The following PLEKHB1 variants were observed in gnomAD, a reference collection of about 807,000 sequenced individuals.
PLEKHB1 encodes the protein pleckstrin homology domain-containing family B member 1.
A neutral mutation model predicts 36.2 loss-of-function variants in PLEKHB1; 29 were observed. That is an observed-to-expected ratio of 0.80 (90% confidence interval 0.60 to 1.09). PLEKHB1 has a LOEUF of 1.09. Among genes scored for constraint, PLEKHB1 ranks in the 50% least tolerant of loss-of-function variants. The pLI is 0.00. For missense variants in PLEKHB1, 330 were observed against 348.2 expected (o/e 0.95, Z 0.42); for synonymous variants, 138 against 140.0 (o/e 0.99, Z 0.10).
At position 73,651,351 on chromosome 11, in the gene PLEKHB1, C is replaced by T. The variant is rs1393004143; in HGVS notation, c.248-437C>T. On this transcript the variant is annotated intron_variant, in intron 3 of 7. Coordinates refer to ENST00000354190, the MANE Select transcript of PLEKHB1 (RefSeq NM_021200.3). ...CCTGGGGGACAGAGCTAGACCCTGT[C>T]TCAAAAAAAAAAAAAAAAAGAAAAA... The T allele has an allele frequency of 3.2e-5, 13 of 401,206 alleles. No individual in the cohort carries two copies. The African/African-American group carries it at 3.3e-4, about 10-fold the overall frequency. 24.9% of individuals were successfully genotyped at this position (401,206 alleles called of 1,614,324 possible).
At chr11:73,651,914 G>A (rs761050060) in intron 4 of PLEKHB1, 24 bp downstream of exon 4, 6 of 1,604,636 alleles carry the variant, frequency 3.7e-6, no homozygotes, top group Non-Finnish European at 5.1e-6. Context: ...AGGAGAGGAT[G>A]GGGTGGAATC....
At chr11:73,660,599 C>T (rs1945085219) in intron 6 of PLEKHB1, 154 bp from the exon 7 acceptor site, 2 of 681,538 alleles carry the variant, frequency 2.9e-6, no homozygotes, top group African/African-American at 1.8e-5. Flanking sequence ...AGGGCAGGGC[C>T]TTTCTCCAAG....
chr11:73,660,904 GC>G (rs1359483798), intron 7 of PLEKHB1, 52 bp downstream of exon 7: 1 of 1,475,912 alleles, frequency 6.8e-7, no homozygotes, highest in Admixed American at 2.0e-5. Context: ...CCGATTCAGC[GC>G]CAGGCCCAGC....
chr11:73,658,590 C>G (rs1156811422), intron 6 of PLEKHB1, among the ~76,000 whole-genome samples: 2 of 151,848 alleles, frequency 1.3e-5, no homozygotes, highest in Non-Finnish European at 2.9e-5. Flanking sequence ...GGGCAACAAC[C>G]TGCTTTCTTT....
Position 73,653,021 on chromosome 11 carries a change from C to T in PLEKHB1, c.390+7C>T, listed in dbSNP as rs1304922649. 2 of 1,606,806 alleles carry T rather than the reference C, an allele frequency of 1.2e-6. No homozygotes were observed. The highest frequency in any genetic ancestry group is 1.7e-5 in the Admixed American group (1 of 59,732). On this transcript the variant is annotated splice_region_variant and intron_variant, in intron 5 of 7. Coordinates refer to ENST00000354190, the MANE Select transcript of PLEKHB1 (RefSeq NM_021200.3). ...GGAGGCAAACTCCACCCCGGTGAGT[C>T]TCCCGTTCTCTCCCCCTTTCCCCAC...
At chr11:73,652,763 G>A (rs754413590) in intron 4 of PLEKHB1, 31 of 507,440 alleles carry the variant, frequency 6.1e-5, no homozygotes, top group East Asian at 1.2e-4. Flanking sequence ...TAGAGGGGAC[G>A]AGAAGAATGA....
At chr11:73,647,527 C>CGG in intron 1 of PLEKHB1, 1 of 984,982 alleles carries the variant, frequency 1.0e-6, no homozygotes, top group Non-Finnish European at 1.2e-6. Context: ...CAGTACGCCT[C>CGG]GGGTCAGCAT....
At chr11:73,652,161 T>G in intron 4 of PLEKHB1, 2 of 481,774 alleles carry the variant, frequency 4.2e-6, no homozygotes, top group Non-Finnish European at 7.5e-6. Context: ...TCCTGGTCTT[T>G]AGCGGCCTCT....
rs940687759 is a variant in PLEKHB1, at chr11:73,652,969, T to C, written c.351-6T>C. The C allele has an allele frequency of 3.1e-6, 5 of 1,607,580 alleles. No homozygotes were observed. The highest frequency in any genetic ancestry group is 4.3e-6 in the Non-Finnish European group (5 of 1,175,738). ...TCCTCATGGTCTGGTGGGATTTGCTTTGCAGAGCATGGAAGACAGCACTGC... is the reference window on the plus strand; with the variant it reads ...TCCTCATGGTCTGGTGGGATTTGCTCTGCAGAGCATGGAAGACAGCACTGC... On this transcript the variant is annotated splice_region_variant and splice_polypyrimidine_tract_variant and intron_variant, in intron 4 of 7. Coordinates refer to ENST00000354190, the MANE Select transcript of PLEKHB1 (RefSeq NM_021200.3).
chr11:73,659,467 T>C (rs962455339), intron 6 of PLEKHB1, among the ~76,000 whole-genome samples: 6 of 152,228 alleles, frequency 3.9e-5, no homozygotes, highest in African/African-American at 1.4e-4. Flanking sequence ...AATGAGGGGT[T>C]TGGAGTTTCC....
At chr11:73,656,938 G>A (rs1466634076) in intron 6 of PLEKHB1, among the ~76,000 whole-genome samples, 1 of 152,140 alleles carries the variant, frequency 6.6e-6, no homozygotes, top group Admixed American at 6.5e-5. Flanking sequence ...AGGTTGCAAG[G>A]TCAGGAGTTC....
intron 1 of PLEKHB1, chr11:73,647,602 G>C (rs1944792177): frequency 2.0e-6 from 2 of 985,340 alleles, no homozygotes; most frequent in African/African-American, 1.7e-5. Context: ...GGGGCAGCTG[G>C]GCTCTCAGGC....
intron 5 of PLEKHB1, 58 bp downstream of exon 5, chr11:73,653,072 A>C: frequency 6.5e-7 from 1 of 1,539,046 alleles, no homozygotes; most frequent in Non-Finnish European, 8.9e-7. Context: ...TGGAATCATG[A>C]GTGACTCAGA....
chr11:73,650,647 G>T lies in PLEKHB1; in HGVS notation c.189G>T (p.Glu63Asp). 6.2e-7 allele frequency: 1 copy of T among 1,612,068 alleles called. No individual in the cohort carries two copies. Among genetic ancestry groups the T allele is most frequent in the Non-Finnish European group, 8.5e-7 (1 of 1,179,124 alleles). Reference sequence around the variant, plus strand: ...ACGATGAGACAGCGCAGGACGAGGAGGACCGTGTGCTCATCCACTTCAATG... The same window carrying T: ...ACGATGAGACAGCGCAGGACGAGGATGACCGTGTGCTCATCCACTTCAATG... ...YYHDETAQDE[E>D]DRVLIHFNVR... The change falls in exon 3 of 8, where the codon GAG becomes GAT. Residue 63 changes from glutamate (E) to aspartate (D), a missense_variant. Coordinates refer to ENST00000354190, the MANE Select transcript of PLEKHB1 (RefSeq NM_021200.3).
intron 2 of PLEKHB1, among the ~76,000 whole-genome samples, chr11:73,649,421 G>A (rs1032200842): frequency 2.0e-5 from 3 of 152,082 alleles, no homozygotes; most frequent in Non-Finnish European, 4.4e-5. Flanking sequence ...CCTTAGAACA[G>A]AACTGTCTAT....
chr11:73,647,498 A>G (rs1485083466), intron 1 of PLEKHB1: 19 of 940,694 alleles, frequency 2.0e-5, no homozygotes, highest in Non-Finnish European at 2.4e-5. Context: ...CCAGCTCTAC[A>G]GGGGTAGACT....
At chr11:73,648,833 G>T in intron 1 of PLEKHB1, 179 bp from the exon 2 acceptor site, 1 of 1,363,690 alleles carries the variant, frequency 7.3e-7, no homozygotes, top group African/African-American at 1.5e-5. Context: ...ACCCCACAGT[G>T]ACAGTGCTCC....
At chr11:73,647,461 T>G in intron 1 of PLEKHB1, 2 of 602,310 alleles carry the variant, frequency 3.3e-6, no homozygotes, top group Non-Finnish European at 4.2e-6. Flanking sequence ...AATAGAAAAG[T>G]AAAATTGCAG....
Position 73,661,208 on chromosome 11 carries a change from C to T in PLEKHB1, c.596-258C>T, listed in dbSNP as rs1945108781. ...TTAGGCGCCTGGTGGTTGTGCTTAGCGATCTCAGGGTTTCCTCGCTGCTCC... is the reference window on the plus strand; with the variant it reads ...TTAGGCGCCTGGTGGTTGTGCTTAGTGATCTCAGGGTTTCCTCGCTGCTCC... On this transcript the variant is annotated intron_variant, in intron 7 of 7. Transcript: ENST00000354190. The surrounding 1 kb of genome is among the most constrained non-coding windows in gnomAD (Gnocchi z 4.6). Among the ~76,000 whole-genome samples, 1 of 152,190 alleles carries T rather than the reference C, an allele frequency of 6.6e-6. No individual in the cohort carries two copies. Among genetic ancestry groups the T allele is most frequent in the South Asian group, 2.1e-4 (1 of 4,836 alleles).
Sources: allele counts gnomAD v4.1 joint callset (sites outside exome capture counted in the v4.1 genomes callset), GRCh38; gene constraint gnomAD v4.1.1; non-coding constraint Gnocchi (gnomAD v3.1); transcripts MANE v1.5; gene names NCBI Gene and HGNC (gene_info 2026-07-23, HGNC 2026-07-21).